Variants in TNR observed in about 807,000 individuals in gnomAD.
The protein encoded by TNR is tenascin-R.
Under a neutral mutation model 150.4 loss-of-function variants are expected in TNR, and 45 were observed. The observed-to-expected ratio is 0.30, with a 90% confidence interval of 0.24 to 0.38. The LOEUF is 0.38. Among genes scored for constraint, TNR ranks in the 10% least tolerant of loss-of-function variants. The pLI is 1.00. For synonymous variants in TNR, 687 were observed against 678.4 expected (o/e 1.01, Z -0.20); for missense variants, 1,544 against 1,759.1 (o/e 0.88, Z 2.19).
At chr1:175,348,920 T>G (rs1051922014) in intron 18 of TNR, among the ~76,000 whole-genome samples, 2 of 151,916 alleles carry the variant, frequency 1.3e-5, no homozygotes, top group African/African-American at 2.4e-5. Flanking sequence ...CGGTGGAAAA[T>G]TGACAAACTA....
chr1:175,658,042 G>A (rs1665246142), intron 1 of TNR, among the ~76,000 whole-genome samples: 1 of 151,506 alleles, frequency 6.6e-6, no homozygotes, highest in Non-Finnish European at 1.5e-5. Flanking sequence ...TTCCACTCAG[G>A]CAGCACATCA....
At chr1:175,735,632 A>G (rs1359729752) in intron 1 of TNR, among the ~76,000 whole-genome samples, 1 of 152,228 alleles carries the variant, frequency 6.6e-6, no homozygotes. Context: ...AAATTGCACA[A>G]TGTCAAAAAA....
chr1:175,408,645 C>T (rs934184698), intron 2 of TNR, among the ~76,000 whole-genome samples: 12 of 152,196 alleles, frequency 7.9e-5, no homozygotes, highest in African/African-American at 2.4e-4. Context: ...ATCACTTAAG[C>T]TCTCTGTGCC....
chr1:175,388,202 G>T (rs1653019928), intron 7 of TNR, among the ~76,000 whole-genome samples: 1 of 151,864 alleles, frequency 6.6e-6, no homozygotes, highest in South Asian at 2.1e-4. Flanking sequence ...GAAATGAATG[G>T]AAAATCTTCT....
chr1:175,411,335 T>C (rs960659700), intron 2 of TNR, among the ~76,000 whole-genome samples: 2 of 152,162 alleles, frequency 1.3e-5, no homozygotes, highest in African/African-American at 4.8e-5. Flanking sequence ...TGAGGTCTTC[T>C]CTTTCCTGAT....
chr1:175,505,742 T>C (rs1378381626), intron 2 of TNR, among the ~76,000 whole-genome samples: 1 of 152,172 alleles, frequency 6.6e-6, no homozygotes, highest in African/African-American at 2.4e-5. Context: ...GAAGAACATA[T>C]AAGAAACGAC....
chr1:175,387,062 G>A (rs994833711), intron 7 of TNR, among the ~76,000 whole-genome samples: 4 of 152,200 alleles, frequency 2.6e-5, no homozygotes, highest in African/African-American at 9.6e-5. Flanking sequence ...GCACTGTGCA[G>A]GTCAGGGCAA....
chr1:175,361,995 GT>G (rs1274090395), intron 14 of TNR, among the ~76,000 whole-genome samples: 2 of 152,212 alleles, frequency 1.3e-5, no homozygotes, highest in Non-Finnish European at 2.9e-5. Context: ...TTGCAAGCCA[GT>G]CTCTCCCTTG....
At chr1:175,593,518 A>G (rs1662886849) in intron 1 of TNR, among the ~76,000 whole-genome samples, 2 of 152,236 alleles carry the variant, frequency 1.3e-5, no homozygotes, top group Admixed American at 6.5e-5. Flanking sequence ...CTGTACAAAT[A>G]GAATCTAATA....
chr1:175,331,029 C>CTTTCTTTCTTTCTTTCTTTCTTTCT (rs1649748690), intron 20 of TNR, among the ~76,000 whole-genome samples: 5 of 68,178 alleles, frequency 7.3e-5, no homozygotes, highest in African/African-American at 1.9e-4. Flanking sequence ...TTCTTTCTTT[C>CTTTCTTTCTTTCTTTCTTTCTTTCT]TTTCTTTCTT....
At chr1:175,616,843 A>C (rs914897431) in intron 1 of TNR, among the ~76,000 whole-genome samples, 2 of 152,148 alleles carry the variant, frequency 1.3e-5, no homozygotes, top group South Asian at 4.2e-4. Context: ...CTTTGCCACC[A>C]ACTCCCTGTG....
intron 1 of TNR, among the ~76,000 whole-genome samples, chr1:175,541,197 G>A (rs549995821): frequency 1.3e-5 from 2 of 151,914 alleles, no homozygotes; most frequent in Non-Finnish European, 2.9e-5. Flanking sequence ...ATAAACTCTC[G>A]CAATAACATT....
At chr1:175,332,597 C>G (rs78580683) in intron 20 of TNR, among the ~76,000 whole-genome samples, 2 of 152,312 alleles carry the variant, frequency 1.3e-5, no homozygotes, top group Admixed American at 6.5e-5. Flanking sequence ...AAAGACTTCT[C>G]TTTCTGATTT....
chr1:175,360,446 G>A (rs907743512), intron 14 of TNR, among the ~76,000 whole-genome samples: 1 of 152,226 alleles, frequency 6.6e-6, no homozygotes, highest in Non-Finnish European at 1.5e-5. Flanking sequence ...TAGAGGAAAA[G>A]ATTGTGCTTG....
At position 175,319,937 on chromosome 1, in the gene TNR, C is replaced by G. The variant is rs1648953861; in HGVS notation, c.*3420G>C. The G allele has an allele frequency of 6.6e-6, 1 of 152,236 alleles. No homozygotes were observed. Among genetic ancestry groups the G allele is most frequent in the Non-Finnish European group, 1.5e-5 (1 of 68,056 alleles). The allele number at this position is 152,236 out of a possible 1,614,324, so 9.4% of individuals were successfully genotyped here. On this transcript the variant is annotated 3_prime_UTR_variant, in exon 23 of 23. Transcript: ENST00000367674. The stretch of plus-strand genomic sequence containing the variant: ...TTCTACACCTGACCCCTTCACCTTC[C>G]AGAAATAACCCTGGTGAATGTGCAT...
intron 6 of TNR, 43 bp from the exon 7 acceptor site, chr1:175,391,481 T>G (rs766185906): frequency 4.8e-5 from 76 of 1,594,668 alleles, no homozygotes; most frequent in Non-Finnish European, 6.1e-5. Flanking sequence ...GAAAAGTCAC[T>G]GGGAGAGAAA....
At chr1:175,734,470 A>G (rs1256781522) in intron 1 of TNR, among the ~76,000 whole-genome samples, 1 of 152,148 alleles carries the variant, frequency 6.6e-6, no homozygotes, top group Non-Finnish European at 1.5e-5. Flanking sequence ...TGTTGGGCAG[A>G]GTTTCATCGA....
intron 1 of TNR, among the ~76,000 whole-genome samples, chr1:175,569,400 C>G (rs1427275126): frequency 6.6e-6 from 1 of 152,154 alleles, no homozygotes; most frequent in Non-Finnish European, 1.5e-5. Context: ...GATTCAATCC[C>G]CAAATATTTA....
intron 1 of TNR, among the ~76,000 whole-genome samples, chr1:175,634,923 C>T (rs369018379): frequency 2.1e-4 from 32 of 152,164 alleles, no homozygotes; most frequent in African/African-American, 7.2e-4. Flanking sequence ...TTCAAAGTTG[C>T]CCCAGCCCTC....
Sources: gnomAD v4.1 joint callset for allele counts (sites outside exome capture counted in the v4.1 genomes callset) on GRCh38, gnomAD v4.1.1 for gene constraint, MANE v1.5 for transcripts, NCBI Gene and HGNC (gene_info 2026-07-23, HGNC 2026-07-21) for gene names.